Variants in UNC13B observed in about 807,000 individuals in gnomAD.
The protein encoded by UNC13B is unc-13 homolog B.
Under a neutral mutation model 211.0 loss-of-function variants are expected in UNC13B, and 144 were observed. That is an observed-to-expected ratio of 0.68 (90% CI 0.60 to 0.78). UNC13B has a LOEUF of 0.78. Ranked by LOEUF, UNC13B falls within the 30% of genes least tolerant of loss-of-function variation. The pLI is 0.00. For synonymous variants in UNC13B, 709 were observed against 725.8 expected, an observed-to-expected ratio of 0.98 and a Z score of 0.37; for missense variants, 1,777 against 2,002.0, an observed-to-expected ratio of 0.89 and a Z score of 2.14.
intron 11 of UNC13B, among the ~76,000 whole-genome samples, chr9:35,318,395 C>T (rs1021550494): frequency 5.3e-5 from 8 of 152,124 alleles, no homozygotes; most frequent in South Asian, 2.1e-4. Context: ...GCCCCGCTGC[C>T]GCCCCGCCAC....
chr9:35,193,657 C>CAAAAA, intron 1 of UNC13B, among the ~76,000 whole-genome samples: 1 of 56,176 alleles, frequency 1.8e-5, no homozygotes, highest in South Asian at 5.8e-4. Context: ...GACTCCGTCT[C>CAAAAA]AAAAAAAAAA....
At chr9:35,184,701 GAAGAAAGAAAGA>G (rs57262291) in intron 1 of UNC13B, among the ~76,000 whole-genome samples, 6 of 142,590 alleles carry the variant, frequency 4.2e-5, no homozygotes, top group African/African-American at 1.3e-4. Flanking sequence ...GAGGGAGACT[GAAGAAAGAAAGA>G]AAGAAAGAAA....
chr9:35,184,528 C>T (rs991819192), intron 1 of UNC13B, among the ~76,000 whole-genome samples: 23 of 152,256 alleles, frequency 1.5e-4, no homozygotes, highest in African/African-American at 4.6e-4. Context: ...GTCAACAGGG[C>T]GAAACCCCGT....
intron 1 of UNC13B, among the ~76,000 whole-genome samples, chr9:35,214,030 A>G (rs1824118606): frequency 6.6e-6 from 1 of 152,208 alleles, no homozygotes; most frequent in Non-Finnish European, 1.5e-5. Flanking sequence ...ACATAATCAG[A>G]CCTTCATTAA....
At chr9:35,237,963 C>G in intron 5 of UNC13B, 137 bp downstream of exon 5, 1 of 891,414 alleles carries the variant, frequency 1.1e-6, no homozygotes, top group Non-Finnish European at 1.7e-6. Context: ...CTCTCTTTCT[C>G]ATAACACTTC....
At chr9:35,199,365 G>A (rs1218369978) in intron 1 of UNC13B, among the ~76,000 whole-genome samples, 1 of 152,140 alleles carries the variant, frequency 6.6e-6, no homozygotes, top group Non-Finnish European at 1.5e-5. Flanking sequence ...CCGAGTAATG[G>A]GATGACTGAG....
intron 1 of UNC13B, among the ~76,000 whole-genome samples, chr9:35,183,886 G>A (rs1822162687): frequency 6.7e-6 from 1 of 149,194 alleles, no homozygotes; most frequent in African/African-American, 2.5e-5. Context: ...CAGACGGGGT[G>A]GTGGCCGGGC....
chr9:35,359,319 A>G (rs1833242032), intron 11 of UNC13B, among the ~76,000 whole-genome samples: 1 of 151,904 alleles, frequency 6.6e-6, no homozygotes, highest in African/African-American at 2.4e-5. Context: ...CTTCTTAGTT[A>G]TCTTTGCTCT....
chr9:35,313,813 T>C, intron 10 of UNC13B, 86 bp from the exon 11 acceptor site: 1 of 1,076,692 alleles, frequency 9.3e-7, no homozygotes, highest in Non-Finnish European at 1.4e-6. Flanking sequence ...ACCATTTTAT[T>C]TTAGACATTT....
intron 11 of UNC13B, among the ~76,000 whole-genome samples, chr9:35,354,103 G>A (rs745649174): frequency 3.9e-5 from 6 of 152,186 alleles, no homozygotes; most frequent in Non-Finnish European, 8.8e-5. Flanking sequence ...GTTCAAAAGA[G>A]GGAGGAGCAT....
Position 35,377,696 on chromosome 9 carries a change from G to A in UNC13B, c.10063+1G>A. ...TGGTCAGCCAAGATCACCATTACTG[G>A]TGAGCAGGCCACAGTTTGAGGGGAC... On this transcript the variant is annotated splice_donor_variant, in intron 16 of 39. Coordinates refer to ENST00000635942, the MANE Select transcript of UNC13B (RefSeq NM_001371189.2). LOFTEE classifies it high-confidence loss of function. 6.2e-7 allele frequency: 1 copy of A among 1,613,370 alleles called. No homozygotes were observed. The highest frequency in any genetic ancestry group is 8.5e-7 in the Non-Finnish European group (1 of 1,179,644).
intron 7 of UNC13B, among the ~76,000 whole-genome samples, chr9:35,293,797 G>A (rs1829213006): frequency 6.6e-6 from 1 of 152,064 alleles, no homozygotes; most frequent in Non-Finnish European, 1.5e-5. Flanking sequence ...CTCCTGCCCT[G>A]GTCAGTGGAC....
rs1223111182 is a variant in UNC13B, at chr9:35,172,422, T to C, written c.22+10117T>C. 2.0e-5 allele frequency among the ~76,000 whole-genome samples: 3 copies of C among 152,190 alleles called. No individual in the cohort carries two copies. In the East Asian group the frequency reaches 5.8e-4, roughly 29 times the overall value. On this transcript the variant is annotated intron_variant, in intron 1 of 39. Transcript: ENST00000635942. ...CGAATACTAGATCTTATTCCATTTA[T>C]CCAACTGTATTTTTGTACTCTTTAA...
At chr9:35,336,443 C>G (rs1315236814) in intron 11 of UNC13B, among the ~76,000 whole-genome samples, 1 of 152,132 alleles carries the variant, frequency 6.6e-6, no homozygotes, top group Non-Finnish European at 1.5e-5. Flanking sequence ...CTTTTCATTA[C>G]GCCTGTTAAC....
chr9:35,384,136 G>A (rs550818991), intron 21 of UNC13B, 110 bp from the exon 22 acceptor site: 4 of 1,521,322 alleles, frequency 2.6e-6, no homozygotes, highest in Admixed American at 1.9e-5. Flanking sequence ...CCAACCCAAT[G>A]CCTCCCGACT....
intron 11 of UNC13B, among the ~76,000 whole-genome samples, chr9:35,339,378 G>T (rs1360820675): frequency 6.6e-6 from 1 of 152,182 alleles, no homozygotes; most frequent in Non-Finnish European, 1.5e-5. Context: ...TGATGAGGGG[G>T]CTGCATTGTT....
At chr9:35,225,882 G>A (rs1043398688) in intron 1 of UNC13B, among the ~76,000 whole-genome samples, 5 of 152,118 alleles carry the variant, frequency 3.3e-5, no homozygotes, top group African/African-American at 1.2e-4. Context: ...GATCCCCGCG[G>A]TGACGTGTGA....
At chr9:35,366,798 G>T (rs969476100) in intron 11 of UNC13B, 149 bp from the exon 12 acceptor site, 14 of 665,496 alleles carry the variant, frequency 2.1e-5, no homozygotes, top group Admixed American at 6.8e-5. Flanking sequence ...GACTGATCAG[G>T]ACATTGGTTT....
chr9:35,287,512 C>T (rs1828867003), intron 7 of UNC13B, among the ~76,000 whole-genome samples: 1 of 152,132 alleles, frequency 6.6e-6, no homozygotes, highest in Non-Finnish European at 1.5e-5. Context: ...GTCAATTGTT[C>T]CTCTTCCTCC....
Sources: gnomAD v4.1 joint callset for allele counts (sites outside exome capture counted in the v4.1 genomes callset) on GRCh38, gnomAD v4.1.1 for gene constraint, MANE v1.5 for transcripts, NCBI Gene and HGNC (gene_info 2026-07-23, HGNC 2026-07-21) for gene names.